Variants in CCNJL observed in about 807,000 individuals in gnomAD.
CCNJL encodes the protein cyclin J like, also known as cyclin-J-like protein.
A neutral mutation model predicts 33.4 loss-of-function variants in CCNJL; 33 were observed. The observed-to-expected ratio is 0.99, with a 90% CI of 0.75 to 1.32. The LOEUF (loss-of-function observed/expected upper bound fraction) is 1.32. Among genes scored for constraint, CCNJL ranks in the 40% most tolerant of loss-of-function variants. The pLI is 0.00. For missense variants in CCNJL, 512 were observed against 499.7 expected (o/e 1.02, Z -0.23); for synonymous variants, 227 against 220.9 (o/e 1.03, Z -0.24).
intron 1 of CCNJL, among the ~76,000 whole-genome samples, chr5:160,320,823 T>TTC (rs1280147467): frequency 3.2e-4 from 36 of 113,068 alleles, no homozygotes; most frequent in Middle Eastern, 4.4e-3. Context: ...CTTTCTTTCT[T>TTC]TCTTTCTTTC....
intron 1 of CCNJL, among the ~76,000 whole-genome samples, chr5:160,320,420 G>T (rs560300989): frequency 2.0e-5 from 3 of 152,178 alleles, no homozygotes; most frequent in Non-Finnish European, 4.4e-5. Context: ...AACATAACGA[G>T]AAGATGACTT....
At position 160,279,709 on chromosome 5, in the gene CCNJL, A is replaced by G. The variant is rs145303238; in HGVS notation, c.280+816T>C. Reference sequence around the variant, plus strand: ...TCCAGGTAGAGGGAACAGCATGTGCAAAGCTCTATGACAAGAGGGGGCTTG... The same window carrying G: ...TCCAGGTAGAGGGAACAGCATGTGCGAAGCTCTATGACAAGAGGGGGCTTG... On this transcript the variant is annotated intron_variant, in intron 3 of 5. Coordinates refer to ENST00000257536, the MANE Select transcript of CCNJL (RefSeq NM_001308173.3). Among the ~76,000 whole-genome samples the G allele has an allele frequency of 3.6e-3, 551 of 152,318 alleles. 5 individuals carry two copies. The highest frequency in any genetic ancestry group is 0.012 in the African/African-American group (519 of 41,572).
At chr5:160,295,346 G>T (rs1762719967) in intron 2 of CCNJL, among the ~76,000 whole-genome samples, 1 of 152,100 alleles carries the variant, frequency 6.6e-6, no homozygotes, top group African/African-American at 2.4e-5. Flanking sequence ...AAAATTAGCT[G>T]GGCATGGTGG....
In CCNJL at chr5:160,253,556, G is replaced by A. The variant is rs942537903; in HGVS notation, c.986C>T (p.Ser329Phe). The change falls in exon 6 of 6, where the codon TCC becomes TTC. Residue 329 changes from serine to phenylalanine, a missense_variant. Physicochemically the swap from Ser to Phe is radical, Grantham distance 155. Coordinates refer to ENST00000257536, the MANE Select transcript of CCNJL (RefSeq NM_001308173.3). ...CAGCGGTTGGTACGGGGTGTGGAGG[G>A]ATGAGCCTGTACTCCCCGAGAGCAG... The part of the protein sequence containing the change: ...GSLLSGSTGS[S>F]LHTPYQPLQP... 3 of 1,614,210 alleles carry A rather than the reference G, an allele frequency of 1.9e-6. No homozygotes were observed. Among genetic ancestry groups the A allele is most frequent in the African/African-American group, 2.7e-5 (2 of 75,068 alleles).
intron 1 of CCNJL, among the ~76,000 whole-genome samples, chr5:160,329,314 G>T (rs1448163929): frequency 6.6e-6 from 1 of 151,568 alleles, no homozygotes; most frequent in East Asian, 1.9e-4. Flanking sequence ...ACCCAAAGGG[G>T]CTCATCAACC....
At chr5:160,314,419 A>C (rs1252925664), upstream of CCNJL, among the ~76,000 whole-genome samples, 1 of 152,238 alleles carries the variant, frequency 6.6e-6, no homozygotes, top group Non-Finnish European at 1.5e-5. Flanking sequence ...TGGGGGAAAA[A>C]AGTAAAACTA....
Position 160,311,870 on chromosome 5 carries a change from G to C in CCNJL, c.54C>G (p.Thr18=), listed in dbSNP as rs375371521. The part of the protein sequence containing the change: ...EGRVASDVHC[T]LREKELKLPT... ...GGGAGGGACTGACCTTCTCGCGCAG[G>C]GTGCAGTGGACGTCCGAGGCGACGC... Residue 18 remains threonine (T), a synonymous_variant, in exon 2 of 6, where the codon ACC becomes ACG. Transcript: ENST00000257536. The C allele has an allele frequency of 1.2e-6, 2 of 1,614,026 alleles. No individual in the cohort carries two copies. The highest frequency in any genetic ancestry group is 1.7e-6 in the Non-Finnish European group (2 of 1,179,890).
At chr5:160,319,751 T>G (rs1038367123) in intron 1 of CCNJL, among the ~76,000 whole-genome samples, 4 of 152,034 alleles carry the variant, frequency 2.6e-5, no homozygotes, top group Admixed American at 2.0e-4. Context: ...GGAAACATAG[T>G]GAGACCGTTT....
intron 1 of CCNJL, among the ~76,000 whole-genome samples, chr5:160,318,055 T>C (rs1422232393): frequency 1.3e-5 from 2 of 151,988 alleles, no homozygotes; most frequent in African/African-American, 4.8e-5. Context: ...TCTCACTCTG[T>C]TGCCAGGCTG....
intron 1 of CCNJL, 99 bp from the exon 2 acceptor site, chr5:160,312,071 G>C: frequency 1.3e-6 from 1 of 757,872 alleles, no homozygotes; most frequent in East Asian, 2.7e-5. Flanking sequence ...GCCCCGGCGG[G>C]CGCCCCCTCC....
At chr5:160,312,271 G>A (rs1763291303) in intron 1 of CCNJL, 93 bp downstream of exon 1, 6 of 344,272 alleles carry the variant, frequency 1.7e-5, no homozygotes, top group South Asian at 3.7e-5. Context: ...GGGCTCTGGC[G>A]GCGGCCACAG....
Position 160,253,455 on chromosome 5 carries a change from G to C in CCNJL, c.1087C>G (p.His363Asp), listed in dbSNP as rs755201303. ...CTTCCATAGGTGGTGGCGAGGCAGT[G>C]CCTGGGCTCAGCTGCAATGGCCATA... ...MHMAIAAEPR[H>D]CLATTYGSSY... The change falls in exon 6 of 6, where the codon CAC becomes GAC. Residue 363 changes from histidine to aspartate, a missense_variant. Physicochemically the swap from His to Asp is moderately conservative, Grantham distance 81 (BLOSUM62 -1). Transcript: ENST00000257536. 6.2e-7 allele frequency: 1 copy of C among 1,613,368 alleles called. No individual in the cohort carries two copies. The highest frequency in any genetic ancestry group is 8.5e-7 in the Non-Finnish European group (1 of 1,179,612).
In CCNJL at chr5:160,255,691, A is replaced by G. The variant is rs761510459; in HGVS notation, c.601T>C (p.Phe201Leu). Residue 201 changes from phenylalanine (F) to leucine (L), a missense_variant, in exon 5 of 6, where the codon TTC becomes CTC. Transcript: ENST00000257536. ...VTLQDHIFYKFQPSVVAAACV... is the reference protein window; with the variant it reads ...VTLQDHIFYKLQPSVVAAACV... ...GCCGCAGCGACCACAGAAGGCTGGA[A>G]TTTGTAGAATATGTGATCTGAAAGA... 6.8e-6 allele frequency: 11 copies of G among 1,613,830 alleles called. No homozygotes were observed. The highest frequency in any genetic ancestry group is 9.3e-6 in the Non-Finnish European group (11 of 1,180,040).
intron 3 of CCNJL, among the ~76,000 whole-genome samples, chr5:160,271,484 T>C (rs1482962957): frequency 6.6e-6 from 1 of 152,220 alleles, no homozygotes; most frequent in African/African-American, 2.4e-5. Context: ...CAGCCAGCTG[T>C]CTGACAGGCA....
Position 160,312,126 on chromosome 5 carries a change from G to A in CCNJL, c.-49-154C>T, listed in dbSNP as rs532748245. Among the ~76,000 whole-genome samples, 508 of 152,320 alleles carry A rather than the reference G, an allele frequency of 3.3e-3. 5 individuals are homozygous for A. Among genetic ancestry groups the A allele is most frequent in the African/African-American group, 0.012 (489 of 41,580 alleles). ...GGAGGTCGCCTCTGGTCCGCGGAAG[G>A]CTGCGGTGCCCCCTCCCCTCTGCTC... On this transcript the variant is annotated intron_variant, in intron 1 of 5. Coordinates refer to ENST00000257536, the MANE Select transcript of CCNJL (RefSeq NM_001308173.3).
At chr5:160,299,211 G>A (rs1167994584) in intron 2 of CCNJL, among the ~76,000 whole-genome samples, 3 of 151,994 alleles carry the variant, frequency 2.0e-5, no homozygotes, top group East Asian at 1.9e-4. Context: ...GCACAATGGC[G>A]TGACCTCGGC....
chr5:160,280,565 C>T lies in CCNJL; in HGVS notation c.240G>A (p.Lys80=). Residue 80 remains lysine (K), a synonymous_variant, in exon 3 of 6, where the codon AAG becomes AAA. Coordinates refer to ENST00000257536, the MANE Select transcript of CCNJL (RefSeq NM_001308173.3). ...FMDRYNVTTS[K]QLYTVAVSCL... ...AGGAGACGGCCACGGTGTAGAGCTG[C>T]TTGGAGGTGGTGACGTTGTAGCGAT... 1.2e-6 allele frequency: 2 copies of T among 1,612,552 alleles called. No homozygotes were observed. The highest frequency in any genetic ancestry group is 2.2e-5 in the East Asian group (1 of 44,824).
intron 2 of CCNJL, among the ~76,000 whole-genome samples, chr5:160,306,420 G>C (rs373973494): frequency 3.1e-4 from 47 of 152,250 alleles, no homozygotes; most frequent in African/African-American, 1.1e-3. Context: ...AGACCCCTAA[G>C]GTATCACATG....
At chr5:160,272,994 C>G (rs1377361532) in intron 3 of CCNJL, among the ~76,000 whole-genome samples, 1 of 152,080 alleles carries the variant, frequency 6.6e-6, no homozygotes, top group African/African-American at 2.4e-5. Flanking sequence ...ACTTTGCAGT[C>G]AATAAAAAGA....
Sources: gnomAD v4.1 joint callset for allele counts (sites outside exome capture counted in the v4.1 genomes callset) on GRCh38, gnomAD v4.1.1 for gene constraint, MANE v1.5 for transcripts, NCBI Gene and HGNC (gene_info 2026-07-23, HGNC 2026-07-21) for gene names.